SMOC1: variants seen among roughly 807,000 people sequenced by gnomAD.
SMOC1 encodes SPARC related modular calcium binding 1.
Under a neutral mutation model 56.3 loss-of-function variants are expected in SMOC1, and 22 were observed. That is an observed-to-expected ratio of 0.39 (90% CI 0.28 to 0.56). The LOEUF is 0.56. Ranked by LOEUF, SMOC1 falls within the 20% of genes least tolerant of loss-of-function variation. SMOC1 has a pLI of 0.61. For missense variants in SMOC1, 509 were observed against 565.4 expected (o/e 0.90, Z 1.01); for synonymous variants, 193 against 215.0 (o/e 0.90, Z 0.89).
intron 1 of SMOC1, among the ~76,000 whole-genome samples, chr14:69,906,654 C>G (rs992522266): frequency 2.0e-5 from 3 of 152,034 alleles, no homozygotes; most frequent in African/African-American, 4.8e-5. Context: ...ATAACCAGAA[C>G]AAGGACAAAA....
chr14:69,908,365 C>G (rs1216163687), intron 1 of SMOC1, among the ~76,000 whole-genome samples: 4 of 152,168 alleles, frequency 2.6e-5, no homozygotes, highest in Admixed American at 2.6e-4. Flanking sequence ...CGTGTGTGCT[C>G]ACTTCAAATG....
At chr14:69,911,733 G>C (rs951894195) in intron 1 of SMOC1, among the ~76,000 whole-genome samples, 3 of 152,172 alleles carry the variant, frequency 2.0e-5, no homozygotes, top group African/African-American at 7.2e-5. Flanking sequence ...ATGTATCATG[G>C]TTTGTTCATG....
At chr14:70,025,519 G>T (rs1885892085) in intron 11 of SMOC1, among the ~76,000 whole-genome samples, 1 of 152,168 alleles carries the variant, frequency 6.6e-6, no homozygotes, top group Non-Finnish European at 1.5e-5. Flanking sequence ...GAGTCTCCAG[G>T]ACTCAGCAAT....
chr14:70,009,232 C>A (rs1885250587), intron 7 of SMOC1, among the ~76,000 whole-genome samples: 1 of 152,084 alleles, frequency 6.6e-6, no homozygotes. Context: ...TATTTTTATG[C>A]CCCTAAGGAA....
chr14:69,924,033 G>A (rs1051583638), intron 1 of SMOC1, among the ~76,000 whole-genome samples: 22 of 152,216 alleles, frequency 1.4e-4, no homozygotes, highest in Admixed American at 1.3e-4. Context: ...GGGGATCTCA[G>A]TGGAACGTCA....
intron 1 of SMOC1, among the ~76,000 whole-genome samples, chr14:69,919,510 A>G (rs2139362908): frequency 6.6e-6 from 1 of 152,372 alleles, no homozygotes; most frequent in East Asian, 1.9e-4. Flanking sequence ...TGTAGCAGGC[A>G]CATGTAATAT....
At chr14:69,976,460 C>T (rs1394704791) in intron 4 of SMOC1, among the ~76,000 whole-genome samples, 4 of 152,188 alleles carry the variant, frequency 2.6e-5, no homozygotes, top group Non-Finnish European at 5.9e-5. Flanking sequence ...TCAGGTGATT[C>T]TGATGATTAG....
chr14:69,983,694 A>G (rs1312490879), intron 5 of SMOC1, among the ~76,000 whole-genome samples: 2 of 152,242 alleles, frequency 1.3e-5, no homozygotes, highest in African/African-American at 4.8e-5. Flanking sequence ...TTGTGGGGCC[A>G]CTGAAGTCCA....
At chr14:69,965,366 G>C (rs1274985805) in intron 3 of SMOC1, among the ~76,000 whole-genome samples, 1 of 101,962 alleles carries the variant, frequency 9.8e-6, no homozygotes, top group Non-Finnish European at 2.3e-5. Flanking sequence ...GGGTGACAGA[G>C]CAAGACTCTC....
At position 69,994,525 on chromosome 14, in the gene SMOC1, C is replaced by T. The variant is rs778919724; in HGVS notation, c.664+45C>T. The T allele has an allele frequency of 3.4e-6, 5 of 1,488,072 alleles. No individual in the cohort carries two copies. The Admixed American group carries it at 8.4e-5, about 25-fold the overall frequency. The allele number at this position is 1,488,072 out of a possible 1,614,324, so 92.2% of individuals were successfully genotyped here. A position where few individuals can be genotyped will look rare whatever the true frequency, so the allele number is the denominator to read the frequency against. On this transcript the variant is annotated intron_variant, in intron 7 of 11. Coordinates refer to ENST00000361956, the MANE Select transcript of SMOC1 (RefSeq NM_001034852.3). ...TTATATATGTACCCAGTCCATCCTTCCTTGCCCCGTGGTTCTGTGACTACT... is the reference window on the plus strand; with the variant it reads ...TTATATATGTACCCAGTCCATCCTTTCTTGCCCCGTGGTTCTGTGACTACT...
At chr14:69,958,213 A>G (rs1417230402) in intron 3 of SMOC1, among the ~76,000 whole-genome samples, 1 of 152,144 alleles carries the variant, frequency 6.6e-6, no homozygotes, top group Non-Finnish European at 1.5e-5. Context: ...TTGCTCTATG[A>G]TTGCACCTGT....
intron 5 of SMOC1, among the ~76,000 whole-genome samples, chr14:69,981,517 C>T (rs541778892): frequency 6.6e-5 from 10 of 152,018 alleles, no homozygotes; most frequent in East Asian, 1.9e-4. Flanking sequence ...TAAAGAGAGA[C>T]GTGTGTGTGT....
chr14:70,004,624 C>A (rs1284267867), intron 7 of SMOC1, among the ~76,000 whole-genome samples: 3 of 152,212 alleles, frequency 2.0e-5, no homozygotes, highest in Admixed American at 6.5e-5. Flanking sequence ...AGCCTATTGG[C>A]CTGCCCAACA....
intron 10 of SMOC1, 82 bp from the exon 11 acceptor site, chr14:70,023,121 G>A (rs1885789821): frequency 6.2e-7 from 1 of 1,606,610 alleles, no homozygotes; most frequent in African/African-American, 1.3e-5. Flanking sequence ...TGACTTTCTG[G>A]GGGCAGTCAT....
chr14:69,995,177 T>TTTAG (rs1884721863), intron 7 of SMOC1, among the ~76,000 whole-genome samples: 1 of 152,234 alleles, frequency 6.6e-6, no homozygotes, highest in African/African-American at 2.4e-5. Context: ...GGTTGTTGAA[T>TTTAG]TTAGCCCTAT....
At chr14:69,905,996 T>C (rs1223536072) in intron 1 of SMOC1, among the ~76,000 whole-genome samples, 1 of 151,946 alleles carries the variant, frequency 6.6e-6, no homozygotes, top group Non-Finnish European at 1.5e-5. Context: ...GTGGATAAAA[T>C]TGACCAGGGA....
intron 10 of SMOC1, among the ~76,000 whole-genome samples, chr14:70,020,535 T>C (rs746968512): frequency 3.3e-5 from 5 of 152,098 alleles, no homozygotes; most frequent in African/African-American, 1.2e-4. Context: ...CAGGGCAGGC[T>C]GTGAGTCATG....
In SMOC1 at chr14:69,886,029, T is replaced by C. The variant is rs1883798601; in HGVS notation, c.99+6252T>C. ...TGGATGTCCTGTCCAATGCCAAAAT[T>C]CTTAGGCCTTTTCTCAAACAGGGGA... On this transcript the variant is annotated intron_variant, in intron 1 of 11. Coordinates refer to ENST00000361956, the MANE Select transcript of SMOC1 (RefSeq NM_001034852.3). 1.9e-6 allele frequency: 3 copies of C among 1,584,940 alleles called. No individual in the cohort carries two copies. The South Asian group carries it at 3.3e-5, about 17-fold the overall frequency.
chr14:70,016,859 A>G (rs1368861638), intron 10 of SMOC1, among the ~76,000 whole-genome samples: 3 of 152,184 alleles, frequency 2.0e-5, no homozygotes, highest in African/African-American at 4.8e-5. Flanking sequence ...CTTCTCAAGT[A>G]CCACTCAATC....
Sources: allele counts gnomAD v4.1 joint callset (sites outside exome capture counted in the v4.1 genomes callset), GRCh38; gene constraint gnomAD v4.1.1; transcripts MANE v1.5; gene names NCBI Gene and HGNC (gene_info 2026-07-23, HGNC 2026-07-21).